Variants in DDX31 observed in about 807,000 individuals in gnomAD.
The protein encoded by DDX31 is ATP-dependent DNA helicase DDX31.
DDX31 carries 70 observed loss-of-function variants against 91.3 expected under a neutral mutation model. The observed-to-expected ratio is 0.77, with a 90% CI of 0.63 to 0.94. DDX31 has a LOEUF of 0.94. Among genes scored for constraint, DDX31 ranks in the 40% least tolerant of loss-of-function variants. The pLI, the probability that DDX31 is intolerant of heterozygous loss-of-function variation, is 0.00. For missense variants in DDX31, 902 were observed against 925.0 expected, an observed-to-expected ratio of 0.98 and a Z score of 0.32; for synonymous variants, 362 against 350.6, an observed-to-expected ratio of 1.03 and a Z score of -0.36.
chr9:132,638,600 C>T (rs1442420416), intron 14 of DDX31, among the ~76,000 whole-genome samples: 3 of 152,206 alleles, frequency 2.0e-5, no homozygotes, highest in Admixed American at 6.5e-5. Flanking sequence ...CTTTTGCCCC[C>T]AGCTATGCTC....
rs1019621106 is a variant in DDX31, at chr9:132,638,094, C to T, written c.1440+3910G>A. ...TCTTCTGAAAAAGAAATGCACGCGC[C>T]GGACAGCCAAGGAGGATGCCAAGGG... On this transcript the variant is annotated intron_variant, in intron 14 of 19. Transcript: ENST00000372159. The T allele has an allele frequency of 6.1e-6, 8 of 1,301,194 alleles. No homozygotes were observed. The South Asian group carries it at 1.0e-4, about 17-fold the overall frequency. The allele number at this position is 1,301,194 out of a possible 1,614,324, so 80.6% of individuals were successfully genotyped here. A position where few individuals can be genotyped will look rare whatever the true frequency, so the allele number is the denominator to read the frequency against.
intron 1 of DDX31, chr9:132,669,563 G>T (rs1432412324): frequency 8.9e-6 from 13 of 1,458,696 alleles, no homozygotes; most frequent in Non-Finnish European, 2.7e-6. Context: ...GGAACTTCAG[G>T]TCCTACCTTC....
chr9:132,663,087 C>G (rs1196758775), intron 1 of DDX31: 2 of 1,017,010 alleles, frequency 2.0e-6, no homozygotes, highest in Non-Finnish European at 2.7e-6. Context: ...CCCATTCACC[C>G]AAGGAGAAAA....
intron 1 of DDX31, 146 bp from the exon 2 acceptor site, chr9:132,662,841 T>C: frequency 8.5e-7 from 1 of 1,175,194 alleles, no homozygotes; most frequent in South Asian, 1.6e-5. Flanking sequence ...GTTTAGGGTT[T>C]GCAATCAGAC....
intron 17 of DDX31, among the ~76,000 whole-genome samples, chr9:132,622,428 T>C (rs758262156): frequency 4.5e-4 from 69 of 152,310 alleles, no homozygotes; most frequent in Middle Eastern, 3.4e-3. Context: ...AAAACGACTG[T>C]AGCTTGTTGC....
chr9:132,644,892 A>C (rs1248088239), intron 13 of DDX31, among the ~76,000 whole-genome samples: 2 of 152,234 alleles, frequency 1.3e-5, no homozygotes, highest in Non-Finnish European at 2.9e-5. Context: ...TCTTGTGGCA[A>C]ATAACCGGTG....
At chr9:132,596,925 C>G (rs1830464853) in intron 19 of DDX31, among the ~76,000 whole-genome samples, 1 of 152,132 alleles carries the variant, frequency 6.6e-6, no homozygotes, top group African/African-American at 2.4e-5. Flanking sequence ...TATCACTCAT[C>G]AGCTGAGGAC....
intron 19 of DDX31, among the ~76,000 whole-genome samples, chr9:132,597,573 C>G (rs575293461): frequency 6.6e-6 from 1 of 152,358 alleles, no homozygotes; most frequent in East Asian, 1.9e-4. Context: ...CCTGCTACCG[C>G]TAAGGCAAAA....
rs543648007 is a variant in DDX31, at chr9:132,663,153, G to A, written c.76-458C>T. 2.1e-4 allele frequency: 271 copies of A among 1,284,394 alleles called. 4 individuals carry two copies. The South Asian group carries it at 3.0e-3, about 14-fold the overall frequency. The allele number at this position is 1,284,394 out of a possible 1,614,324, so 79.6% of individuals were successfully genotyped here. A position where few individuals can be genotyped will look rare whatever the true frequency, so the allele number is the denominator to read the frequency against. On this transcript the variant is annotated intron_variant, in intron 1 of 19. Coordinates refer to ENST00000372159, the MANE Select transcript of DDX31 (RefSeq NM_022779.9). ...CCACCAACAAAGCACACTGGAGACC[G>A]CACAGGAGAGAGGGGCGAGGGGGAA...
intron 13 of DDX31, among the ~76,000 whole-genome samples, chr9:132,642,932 C>T (rs1833590361): frequency 6.6e-6 from 1 of 152,076 alleles, no homozygotes; most frequent in South Asian, 2.1e-4. Flanking sequence ...TCAAGTGATC[C>T]TCCCACCTTG....
At chr9:132,664,004 C>T (rs549975887) in intron 1 of DDX31, among the ~76,000 whole-genome samples, 4 of 152,286 alleles carry the variant, frequency 2.6e-5, no homozygotes, top group South Asian at 2.1e-4. Flanking sequence ...AGGCCACTCC[C>T]GCCATACATG....
At chr9:132,668,562 G>T (rs1479863676) in intron 1 of DDX31, among the ~76,000 whole-genome samples, 4 of 125,398 alleles carry the variant, frequency 3.2e-5, no homozygotes, top group Admixed American at 9.5e-5. Context: ...AGGTGGTCGG[G>T]GTGCAGCTTT....
In DDX31 at chr9:132,632,086, A is replaced by G; in HGVS notation, c.1446T>C (p.Val482=). Residue 482 remains valine, a synonymous_variant, in exon 15 of 20, where the codon GTT becomes GTC. Coordinates refer to ENST00000372159, the MANE Select transcript of DDX31 (RefSeq NM_022779.9). The part of the protein sequence containing the change: ...SRRGVLLCTD[V]AARGLDLPQV... ...GAGGGAGATCTAAGCCCCGAGCTGC[A>G]ACATCCTTTAACAAAGAAAAGAATA... 1 of 1,612,928 alleles carries G rather than the reference A, an allele frequency of 6.2e-7. No individual in the cohort carries two copies. The highest frequency in any genetic ancestry group is 1.3e-5 in the African/African-American group (1 of 74,982).
chr9:132,668,790 G>T (rs1002622572), intron 1 of DDX31, among the ~76,000 whole-genome samples: 13 of 152,066 alleles, frequency 8.5e-5, no homozygotes, highest in Non-Finnish European at 2.9e-5. Context: ...GGATGGTCTC[G>T]ATCTCCTGAC....
chr9:132,669,471 A>T (rs1353413159), intron 1 of DDX31: 3 of 500,662 alleles, frequency 6.0e-6, no homozygotes, highest in African/African-American at 3.6e-5. Context: ...TGGGCAAGAT[A>T]AAAAAAAAAA....
Position 132,594,302 on chromosome 9 carries a change from C to T in DDX31, c.*564G>A, listed in dbSNP as rs1306321151. ...GGGACCACGAGCCTGAGAACACATT[C>T]GTATTTTTTGACCCAGACCAAAAAC... On this transcript the variant is annotated 3_prime_UTR_variant, in exon 20 of 20. Coordinates refer to ENST00000372159, the MANE Select transcript of DDX31 (RefSeq NM_022779.9). 1 of 152,556 alleles carries T rather than the reference C, an allele frequency of 6.6e-6. No homozygotes were observed. Among genetic ancestry groups the T allele is most frequent in the African/African-American group, 2.4e-5 (1 of 41,438 alleles). The allele number at this position is 152,556 out of a possible 1,614,324, so 9.5% of individuals were successfully genotyped here. A position where few individuals can be genotyped will look rare whatever the true frequency, so the allele number is the denominator to read the frequency against.
At position 132,632,922 on chromosome 9, in the gene DDX31, T is replaced by C. The variant is rs373669464; in HGVS notation, c.1441-831A>G. On this transcript the variant is annotated intron_variant, in intron 14 of 19. Transcript: ENST00000372159. ...CTCACCATTCTAGCAGACCAGAAAGTGGGAATTTCCCTGACTTTAGCATAC... is the reference window on the plus strand; with the variant it reads ...CTCACCATTCTAGCAGACCAGAAAGCGGGAATTTCCCTGACTTTAGCATAC... Among the ~76,000 whole-genome samples the C allele has an allele frequency of 2.6e-5, 4 of 152,308 alleles. No homozygotes were observed. In the East Asian group the frequency reaches 7.7e-4, roughly 29 times the overall value.
chr9:132,665,324 G>A (rs1835237193), intron 1 of DDX31, among the ~76,000 whole-genome samples: 1 of 152,184 alleles, frequency 6.6e-6, no homozygotes, highest in African/African-American at 2.4e-5. Flanking sequence ...CAGTTGTCAA[G>A]AAGCTTCGTT....
intron 1 of DDX31, chr9:132,663,552 C>T (rs1030596749): frequency 5.1e-6 from 5 of 983,238 alleles, no homozygotes; most frequent in African/African-American, 3.5e-5. Context: ...TTTTCTTTGG[C>T]CTTCTTTTCT....
Sources: allele counts gnomAD v4.1 joint callset (sites outside exome capture counted in the v4.1 genomes callset), GRCh38; gene constraint gnomAD v4.1.1; transcripts MANE v1.5; gene names NCBI Gene and HGNC (gene_info 2026-07-23, HGNC 2026-07-21).